The following MTOR variants were observed in gnomAD, a reference collection of about 807,000 sequenced individuals.
MTOR encodes the protein serine/threonine-protein kinase mTOR.
Under a neutral mutation model 319.8 loss-of-function variants are expected in MTOR, and 70 were observed. That is an observed-to-expected ratio of 0.22 (90% CI 0.18 to 0.27). The LOEUF is 0.27. Ranked by LOEUF, MTOR falls within the 10% of genes least tolerant of loss-of-function variation. The pLI is 1.00. For synonymous variants in MTOR, 1,183 were observed against 1,211.4 expected, an observed-to-expected ratio of 0.98 and a Z score of 0.49; for missense variants, 1,890 against 3,274.4, an observed-to-expected ratio of 0.58 and a Z score of 10.32.
rs373255199 is a variant in MTOR at position 11,243,125 on chromosome 1, G to A, written c.1401C>T (p.Asp467=). ...ACAGAGGTGCTTACTTATGGGCGAA[G>A]TCCTTTGGGGGCAGGGCCGCTCGGA... is the stretch of plus-strand genomic sequence containing the variant. ...DIIRAALPPK[D]FAHKRQKAMQ... is the part of the protein sequence containing the mutation. Residue 467 remains aspartate, a synonymous_variant, in exon 9 of 58, where the codon GAC becomes GAT. Coordinates refer to ENST00000361445, the MANE Select transcript of MTOR (RefSeq NM_004958.4). The A allele has an allele frequency of 1.9e-6, 3 of 1,614,030 alleles. No homozygotes were observed. The highest frequency in any genetic ancestry group is 2.5e-6 in the Non-Finnish European group (3 of 1,180,048).
rs138733485 is a variant in MTOR, at chr1:11,127,420, G to A, written c.6216+204C>T. 5.6e-4 allele frequency among the ~76,000 whole-genome samples: 86 copies of A among 152,322 alleles called. 2 individuals are homozygous for A. The East Asian group carries it at 0.012, about 21-fold the overall frequency. ...CCAGTTAAAATTCAGAAGGGTCCCTGTAACTAATTTCTGATGTTTTATGCT... is the reference window on the plus strand; with the variant it reads ...CCAGTTAAAATTCAGAAGGGTCCCTATAACTAATTTCTGATGTTTTATGCT... On this transcript the variant is annotated intron_variant, in intron 44 of 57. Transcript: ENST00000361445. This position sits in a 1 kb window ranked among gnomAD's most constrained non-coding sequence, Gnocchi z 5.5.
chr1:11,215,084 G>C (rs1007593937), intron 20 of MTOR, among the ~76,000 whole-genome samples: 2 of 152,220 alleles, frequency 1.3e-5, no homozygotes, highest in African/African-American at 4.8e-5. Context: ...GTATTTTGCA[G>C]GTGTGAGGCT....
In MTOR at chr1:11,109,852, A is replaced by G. The variant is rs1641766628; in HGVS notation, c.7367-123T>C. On this transcript the variant is annotated intron_variant, in intron 54 of 57. Coordinates refer to ENST00000361445, the MANE Select transcript of MTOR (RefSeq NM_004958.4). This position sits in a 1 kb window ranked among gnomAD's most constrained non-coding sequence, Gnocchi z 4.0. Reference sequence around the variant, plus strand: ...CTGCCCTACCTACCCTAAAGGGGAAAAGAGAAGGAAAGTTTTATGTTACTC... The same window carrying G: ...CTGCCCTACCTACCCTAAAGGGGAAGAGAGAAGGAAAGTTTTATGTTACTC... The G allele has an allele frequency of 2.6e-6, 2 of 767,314 alleles. No individual in the cohort carries two copies. The highest frequency in any genetic ancestry group is 4.4e-6 in the Non-Finnish European group (2 of 456,880). 47.5% of individuals were successfully genotyped at this position (767,314 alleles called of 1,614,324 possible).
intron 19 of MTOR, among the ~76,000 whole-genome samples, chr1:11,227,604 C>A (rs771318116): frequency 7.4e-5 from 11 of 148,440 alleles, no homozygotes; most frequent in Non-Finnish European, 1.3e-4. Context: ...GTAGTAGGGA[C>A]ATATAATCTT....
chr1:11,258,807 C>G (rs1367209442), intron 2 of MTOR, among the ~76,000 whole-genome samples: 3 of 152,278 alleles, frequency 2.0e-5, no homozygotes, highest in African/African-American at 7.2e-5. Flanking sequence ...GGTATCTACT[C>G]TGTGGCAGAA....
intron 53 of MTOR, 125 bp downstream of exon 53, chr1:11,114,193 C>G: frequency 1.7e-6 from 2 of 1,168,966 alleles, no homozygotes; most frequent in Non-Finnish European, 2.4e-6. Context: ...AGGGGTCTTA[C>G]TATGTTGCCC....
intron 28 of MTOR, chr1:11,195,104 T>G (rs1571135457): frequency 6.9e-7 from 1 of 1,448,382 alleles, no homozygotes; most frequent in Non-Finnish European, 9.4e-7. Context: ...AGGAAGAGAG[T>G]GTTAGAAAGG....
intron 1 of MTOR, among the ~76,000 whole-genome samples, chr1:11,261,298 T>C (rs1307035082): frequency 2.0e-5 from 3 of 147,590 alleles, no homozygotes; most frequent in Non-Finnish European, 4.5e-5. Context: ...ATCCCGCCTC[T>C]ACTAAAAATA....
At chr1:11,220,713 C>T (rs1160413831) in intron 19 of MTOR, among the ~76,000 whole-genome samples, 1 of 152,206 alleles carries the variant, frequency 6.6e-6, no homozygotes, top group Non-Finnish European at 1.5e-5. Context: ...GAAAACAATT[C>T]TCCCCTAGAG....
chr1:11,169,836 T>C (rs1644755959), intron 28 of MTOR, among the ~76,000 whole-genome samples: 1 of 152,190 alleles, frequency 6.6e-6, no homozygotes, highest in African/African-American at 2.4e-5. Context: ...GAACATGCAA[T>C]TGCTAAGCAG....
intron 20 of MTOR, among the ~76,000 whole-genome samples, chr1:11,214,022 G>A (rs915169105): frequency 1.3e-5 from 2 of 152,192 alleles, no homozygotes; most frequent in Non-Finnish European, 2.9e-5. Context: ...TTAGGGACAA[G>A]TATCCTATCT....
At position 11,139,643 on chromosome 1, in the gene MTOR, C is replaced by A; in HGVS notation, c.4888G>T (p.Val1630Leu). 6.2e-7 allele frequency: 1 copy of A among 1,614,186 alleles called. No homozygotes were observed. Residue 1630 changes from valine (V) to leucine (L), a missense_variant, in exon 35 of 58, where the codon GTA becomes TTA. Physicochemically the swap from Val to Leu is conservative, Grantham distance 32. This residue lies in a region of MTOR where 276 missense variants were observed against 459.4 expected (regional missense o/e 0.60). Transcript: ENST00000361445. ...WERLQGCQRI[V>L]EDWQKILMVR... ...ATAAGGATTTTCTGCCAGTCCTCTA[C>A]GATACGCTGGCAGCCCTGGAACATT... is the stretch of plus-strand genomic sequence containing the variant.
intron 32 of MTOR, chr1:11,145,312 G>C (rs1386954627): frequency 2.1e-5 from 10 of 473,144 alleles, no homozygotes; most frequent in South Asian, 1.1e-4. Context: ...GCAAGGGCAT[G>C]GGAATGTGGG....
rs767482843 is a variant in MTOR, at chr1:11,106,543, A to C, written c.*942T>G. On this transcript the variant is annotated 3_prime_UTR_variant, in exon 58 of 58. Coordinates refer to ENST00000361445, the MANE Select transcript of MTOR (RefSeq NM_004958.4). Reference sequence around the variant, plus strand: ...AACGCCACTCATATACATATGTTTAAAATTCTGATGTCATTTATTGGCACA... The same window carrying C: ...AACGCCACTCATATACATATGTTTACAATTCTGATGTCATTTATTGGCACA... 12 of 1,055,710 alleles carry C rather than the reference A, an allele frequency of 1.1e-5. No homozygotes were observed. Among genetic ancestry groups the C allele is most frequent in the Non-Finnish European group, 1.4e-5 (12 of 867,734 alleles). The allele number at this position is 1,055,710 out of a possible 1,614,324, so 65.4% of individuals were successfully genotyped here. A position where few individuals can be genotyped will look rare whatever the true frequency, so the allele number is the denominator to read the frequency against.
chr1:11,135,929 G>A (rs1038249358), intron 36 of MTOR, among the ~76,000 whole-genome samples: 7 of 151,684 alleles, frequency 4.6e-5, no homozygotes, highest in African/African-American at 1.7e-4. Context: ...GAGGTCAGGA[G>A]TTCGAGACCA....
At chr1:11,207,252 C>T (rs969698806) in intron 25 of MTOR, among the ~76,000 whole-genome samples, 2 of 152,056 alleles carry the variant, frequency 1.3e-5, no homozygotes, top group Non-Finnish European at 2.9e-5. Context: ...CAGGCATGCA[C>T]CACCATGTCC....
rs189669312 is a variant in MTOR at position 11,204,983 on chromosome 1, C to A, written c.3802-280G>T. On this transcript the variant is annotated intron_variant, in intron 25 of 57. Coordinates refer to ENST00000361445, the MANE Select transcript of MTOR (RefSeq NM_004958.4). ...AACCAGAATACATGGGATTGCCACA[C>A]TCGGGTGCATTCGACAAAGCCTAAT... 4.1e-4 allele frequency among the ~76,000 whole-genome samples: 62 copies of A among 152,266 alleles called. No homozygotes were observed. In the East Asian group the frequency reaches 0.012, roughly 29 times the overall value.
In MTOR at chr1:11,256,161, A is replaced by G; in HGVS notation, c.536T>C (p.Val179Ala). ...VLVLRELAIS[V>A]PTFFFQQVQP... is the part of the protein sequence containing the mutation. ...CACTTGCTGGAAGAAGAAGGTAGGG[A>G]CGCTGATGGCCAGCTCACGGAGAAC... Residue 179 changes from valine to alanine, a missense_variant, in exon 5 of 58, where the codon GTC becomes GCC. Val to Ala is a moderately conservative substitution (Grantham distance 64). Around this residue, in one of 15 missense-constraint regions of MTOR, gnomAD observed 81 missense variants for 203.6 expected, o/e 0.40. Transcript: ENST00000361445. 1 of 1,614,128 alleles carries G rather than the reference A, an allele frequency of 6.2e-7. No individual in the cohort carries two copies. The highest frequency in any genetic ancestry group is 2.2e-5 in the East Asian group (1 of 44,882).
intron 47 of MTOR, 151 bp downstream of exon 47, chr1:11,124,346 TG>T: frequency 2.0e-6 from 2 of 1,022,012 alleles, no homozygotes; most frequent in Non-Finnish European, 2.8e-6. Context: ...CCTCAACCTC[TG>T]GAGTTTCTGG....
Sources: gnomAD v4.1 joint callset for allele counts (sites outside exome capture counted in the v4.1 genomes callset) on GRCh38, gnomAD v4.1.1 for gene constraint, gnomAD v4.1.1 regional missense constraint, Gnocchi (gnomAD v3.1) non-coding constraint, MANE v1.5 for transcripts, NCBI Gene and HGNC (gene_info 2026-07-23, HGNC 2026-07-21) for gene names.